Variants in MARCHF1 observed in about 807,000 individuals in gnomAD.
The protein encoded by MARCHF1 is membrane associated ring-CH-type finger 1.
In MARCHF1, 40 loss-of-function variants were observed where a neutral mutation model predicts 54.2. The ratio of observed to expected loss-of-function variants is 0.74; its 90% CI spans 0.57 to 0.96. The LOEUF (loss-of-function observed/expected upper bound fraction) is 0.96. Ranked by LOEUF, MARCHF1 falls within the 40% of genes least tolerant of loss-of-function variation. The pLI, the probability that MARCHF1 is intolerant of heterozygous loss-of-function variation, is 0.00. For synonymous variants in MARCHF1, 236 were observed against 236.3 expected (o/e 1.00, Z 0.01); for missense variants, 586 against 656.5 (o/e 0.89, Z 1.17).
intron 3 of MARCHF1, among the ~76,000 whole-genome samples, chr4:163,937,939 T>C (rs539155093): frequency 3.1e-4 from 47 of 152,266 alleles, no homozygotes; most frequent in African/African-American, 1.0e-3. Context: ...CCCAGACCTA[T>C]ATATCTTGGC....
intron 4 of MARCHF1, among the ~76,000 whole-genome samples, chr4:163,786,675 C>A (rs1379870692): frequency 6.6e-6 from 1 of 151,884 alleles, no homozygotes; most frequent in Non-Finnish European, 1.5e-5. Context: ...TAGCAATCCA[C>A]AGATTCAATG....
chr4:163,609,253 G>A (rs1276461045), intron 7 of MARCHF1, among the ~76,000 whole-genome samples: 1 of 151,978 alleles, frequency 6.6e-6, no homozygotes, highest in Non-Finnish European at 1.5e-5. Flanking sequence ...ACCACAAATA[G>A]CTTGCCTGTA....
In MARCHF1 at chr4:163,528,057, G is replaced by T. The variant is rs1480245137; in HGVS notation, c.*691C>A. 1.3e-5 allele frequency: 2 copies of T among 152,498 alleles called. No individual in the cohort carries two copies. Among genetic ancestry groups the T allele is most frequent in the African/African-American group, 4.8e-5 (2 of 41,402 alleles). The allele number at this position is 152,498 out of a possible 1,614,324, so 9.4% of individuals were successfully genotyped here. ...ATAAGACCTGATAACAGTTCTGTGG[G>T]TATTTAACAGAGCTAATTATATCCG... On this transcript the variant is annotated 3_prime_UTR_variant, in exon 10 of 10. Transcript: ENST00000514618.
chr4:163,735,036 T>G (rs1434601783), intron 4 of MARCHF1, among the ~76,000 whole-genome samples: 1 of 152,144 alleles, frequency 6.6e-6, no homozygotes, highest in Non-Finnish European at 1.5e-5. Context: ...ACACCGAACA[T>G]AAGCATGTTC....
chr4:163,694,191 C>G (rs1325749132), intron 5 of MARCHF1, among the ~76,000 whole-genome samples: 1 of 152,146 alleles, frequency 6.6e-6, no homozygotes, highest in Non-Finnish European at 1.5e-5. Flanking sequence ...TCATGTGGAT[C>G]TGGGTGGCTC....
chr4:163,606,371 G>C (rs879708523), intron 7 of MARCHF1, among the ~76,000 whole-genome samples: 1 of 152,008 alleles, frequency 6.6e-6, no homozygotes, highest in East Asian at 1.9e-4. Flanking sequence ...TATTGTGGAG[G>C]GCACAAAACA....
At chr4:163,839,463 C>A (rs185270815) in intron 4 of MARCHF1, among the ~76,000 whole-genome samples, 298 of 152,016 alleles carry the variant, frequency 2.0e-3, no homozygotes, top group Non-Finnish European at 3.4e-3. Flanking sequence ...TGAAAACAAC[C>A]CAAATCAACT....
rs539595742 is a variant in MARCHF1, at chr4:164,343,740, G to T, written c.-323+40130C>A. Among the ~76,000 whole-genome samples, 34 of 152,232 alleles carry T rather than the reference G, an allele frequency of 2.2e-4. 1 individual carries two copies. Among genetic ancestry groups the T allele is most frequent in the African/African-American group, 7.9e-4 (33 of 41,546 alleles). ...GTCAAAAAATAACAGATGCTGATGA[G>T]GTTGCCGAGAAATGGAAACACTTAT... is the stretch of plus-strand genomic sequence containing the variant. On this transcript the variant is annotated intron_variant, in intron 1 of 9. Coordinates refer to ENST00000514618, the MANE Select transcript of MARCHF1 (RefSeq NM_001394959.1).
chr4:164,190,241 G>A, intron 1 of MARCHF1: 4 of 1,270,700 alleles, frequency 3.1e-6, no homozygotes, highest in Middle Eastern at 1.9e-4. Flanking sequence ...AGAAGGAACT[G>A]GAAGAAATTG....
intron 3 of MARCHF1, among the ~76,000 whole-genome samples, chr4:163,908,409 GC>G (rs1178802288): frequency 6.6e-6 from 1 of 152,146 alleles, no homozygotes; most frequent in African/African-American, 2.4e-5. Flanking sequence ...TATTTTCAGA[GC>G]TACAAACTTA....
intron 1 of MARCHF1, among the ~76,000 whole-genome samples, chr4:164,238,580 G>C (rs1014727652): frequency 6.6e-6 from 1 of 151,700 alleles, no homozygotes; most frequent in Non-Finnish European, 1.5e-5. Flanking sequence ...TAAAAAGTAA[G>C]AGATAAAAAA....
chr4:164,383,278 G>T (rs1731428823), intron 1 of MARCHF1: 1 of 152,336 alleles, frequency 6.6e-6, no homozygotes, highest in African/African-American at 2.4e-5. Context: ...CCAGGAGGGC[G>T]GTTGCAGGGA....
At chr4:163,670,368 A>C (rs1187512125) in intron 5 of MARCHF1, among the ~76,000 whole-genome samples, 1 of 128,832 alleles carries the variant, frequency 7.8e-6, no homozygotes. Flanking sequence ...GGATCTATCT[A>C]TCTATCTATC....
At chr4:164,255,759 A>C (rs1343477801) in intron 1 of MARCHF1, among the ~76,000 whole-genome samples, 1 of 152,190 alleles carries the variant, frequency 6.6e-6, no homozygotes. Context: ...AAATATATAA[A>C]GAAAAAGTGA....
chr4:164,270,487 T>C lies in MARCHF1; in HGVS notation c.-323+113383A>G, dbSNP rs180956336. 1.8e-4 allele frequency among the ~76,000 whole-genome samples: 27 copies of C among 152,360 alleles called. No individual in the cohort carries two copies. In the East Asian group the frequency reaches 3.7e-3, roughly 21 times the overall value. ...TAAGTTCTGTAATGTCAGATATTTCTGTTTGGTTCACTGGTGTATTCTTAA... is the reference window on the plus strand; with the variant it reads ...TAAGTTCTGTAATGTCAGATATTTCCGTTTGGTTCACTGGTGTATTCTTAA... On this transcript the variant is annotated intron_variant, in intron 1 of 9. Coordinates refer to ENST00000514618, the MANE Select transcript of MARCHF1 (RefSeq NM_001394959.1).
intron 1 of MARCHF1, among the ~76,000 whole-genome samples, chr4:164,301,512 C>T (rs981292918): frequency 3.3e-5 from 5 of 152,122 alleles, no homozygotes; most frequent in African/African-American, 1.2e-4. Context: ...AAAAAGTTCA[C>T]TATGGTGCTC....
chr4:164,222,778 A>G (rs575419980), intron 1 of MARCHF1, among the ~76,000 whole-genome samples: 1 of 152,184 alleles, frequency 6.6e-6, no homozygotes, highest in South Asian at 2.1e-4. Flanking sequence ...TATGACATGT[A>G]TTATTTGATA....
intron 5 of MARCHF1, among the ~76,000 whole-genome samples, chr4:163,616,515 AC>A (rs1741515301): frequency 6.6e-6 from 1 of 152,130 alleles, no homozygotes; most frequent in South Asian, 2.1e-4. Context: ...GCTCAATATC[AC>A]TATAATTAGA....
chr4:164,139,534 G>A (rs1171483378), intron 1 of MARCHF1, among the ~76,000 whole-genome samples: 1 of 151,628 alleles, frequency 6.6e-6, no homozygotes, highest in Non-Finnish European at 1.5e-5. Context: ...GGGAGAAAGA[G>A]AAAGGACAAC....
Sources: gnomAD v4.1 joint callset for allele counts (sites outside exome capture counted in the v4.1 genomes callset) on GRCh38, gnomAD v4.1.1 for gene constraint, MANE v1.5 for transcripts, NCBI Gene and HGNC (gene_info 2026-07-23, HGNC 2026-07-21) for gene names.